The following MYO16 variants were observed in gnomAD, a reference collection of about 807,000 sequenced individuals.
MYO16 encodes unconventional myosin-XVI.
A neutral mutation model predicts 205.3 loss-of-function variants in MYO16; 94 were observed. The observed-to-expected ratio is 0.46, with a 90% CI of 0.39 to 0.54. The LOEUF (loss-of-function observed/expected upper bound fraction) is 0.54. Ranked by LOEUF, MYO16 falls within the 20% of genes least tolerant of loss-of-function variation. The pLI is 0.00. For synonymous variants in MYO16, 988 were observed against 954.0 expected, an observed-to-expected ratio of 1.04 and a Z score of -0.66; for missense variants, 2,315 against 2,387.5, an observed-to-expected ratio of 0.97 and a Z score of 0.63.
intron 9 of MYO16, among the ~76,000 whole-genome samples, chr13:108,841,421 G>A (rs1338071504): frequency 6.6e-6 from 1 of 152,136 alleles, no homozygotes; most frequent in East Asian, 1.9e-4. Flanking sequence ...ACTCACAATG[G>A]ATCGTAGGTC....
the MYO16 span, among the ~76,000 whole-genome samples, chr13:108,590,340 A>C: frequency 6.6e-6 from 1 of 152,178 alleles, no homozygotes; most frequent in Non-Finnish European, 1.5e-5. Flanking sequence ...GTTTAACCCT[A>C]GAATCGGGTT....
At chr13:109,102,984 G>A (rs1889018098) in intron 28 of MYO16, among the ~76,000 whole-genome samples, 1 of 152,156 alleles carries the variant, frequency 6.6e-6, no homozygotes, top group Non-Finnish European at 1.5e-5. Context: ...TTGCTTATGA[G>A]TTCCCTGTTG....
At chr13:109,166,248 T>G (rs1878655393) in intron 33 of MYO16, among the ~76,000 whole-genome samples, 1 of 152,034 alleles carries the variant, frequency 6.6e-6, no homozygotes, top group Non-Finnish European at 1.5e-5. Flanking sequence ...TCAGCAGAAA[T>G]AGGAAACTAT....
Position 108,940,827 on chromosome 13 carries a change from A to G in MYO16, c.1926-16861A>G, listed in dbSNP as rs377323381. On this transcript the variant is annotated intron_variant, in intron 16 of 34. Transcript: ENST00000457511. ...GCAGAATTGTATATACTATACTGCA[A>G]ATACAATTATATTTGTGCCAGTTAA... Among the ~76,000 whole-genome samples the G allele has an allele frequency of 3.3e-5, 5 of 152,328 alleles. No individual in the cohort carries two copies. The South Asian group carries it at 1.0e-3, about 32-fold the overall frequency.
chr13:108,581,993 T>C, the MYO16 span, among the ~76,000 whole-genome samples: 1 of 152,202 alleles, frequency 6.6e-6, no homozygotes, highest in Admixed American at 6.5e-5. Context: ...GTGTGTTTAT[T>C]GAGCTAATGT....
rs1385882256 is a variant in MYO16, at chr13:109,055,528, C to T, written c.3268C>T (p.Leu1090=). The part of the protein sequence containing the change: ...VSAQLQYIGV[L]EMVKIFRYGY... ...TGCTCAGCTACAATATATTGGGGTCCTGGAGATGGTGAAGATCTTCCGATA... is the reference window on the plus strand; with the variant it reads ...TGCTCAGCTACAATATATTGGGGTCTTGGAGATGGTGAAGATCTTCCGATA... The change falls in exon 27 of 35, where the codon CTG becomes TTG. Residue 1090 remains leucine, a synonymous_variant. Transcript: ENST00000457511. This position sits in a 1 kb window ranked among gnomAD's most constrained non-coding sequence, Gnocchi z 5.0. 1.2e-6 allele frequency: 2 copies of T among 1,613,114 alleles called. No homozygotes were observed. Among genetic ancestry groups the T allele is most frequent in the South Asian group, 1.1e-5 (1 of 91,076 alleles).
At chr13:108,588,931 T>C in the MYO16 span, among the ~76,000 whole-genome samples, 29 of 152,288 alleles carry the variant, frequency 1.9e-4, no homozygotes, top group East Asian at 5.4e-3. Flanking sequence ...AGCCTGTTTT[T>C]ACTCTTGATA....
intron 33 of MYO16, among the ~76,000 whole-genome samples, chr13:109,171,862 A>C (rs1878935565): frequency 6.6e-6 from 1 of 152,194 alleles, no homozygotes; most frequent in South Asian, 2.1e-4. Flanking sequence ...TTGCGTTTGC[A>C]TTTACATTTA....
chr13:108,752,798 T>C (rs1469905688), intron 4 of MYO16, among the ~76,000 whole-genome samples: 8 of 122,362 alleles, frequency 6.5e-5, no homozygotes, highest in Non-Finnish European at 1.3e-4. Context: ...CCTGCCACCG[T>C]GCCCAGCTAA....
intron 14 of MYO16, among the ~76,000 whole-genome samples, chr13:108,888,873 T>G (rs1013102774): frequency 3.3e-5 from 5 of 151,890 alleles, no homozygotes; most frequent in African/African-American, 1.2e-4. Flanking sequence ...TGGCCAACAT[T>G]GTGAAACCTC....
At chr13:108,509,467 T>C in the MYO16 span, among the ~76,000 whole-genome samples, 13 of 152,238 alleles carry the variant, frequency 8.5e-5, no homozygotes, top group African/African-American at 1.4e-4. Context: ...TGTCGGATTG[T>C]GTATACATGT....
intron 2 of MYO16, among the ~76,000 whole-genome samples, chr13:108,676,353 A>C (rs1882202641): frequency 7.1e-6 from 1 of 141,772 alleles, no homozygotes; most frequent in East Asian, 2.1e-4. Flanking sequence ...TTTTCTGCTA[A>C]TGTGTGATTA....
chr13:109,041,019 A>G (rs1163360528), intron 23 of MYO16, among the ~76,000 whole-genome samples: 1 of 152,222 alleles, frequency 6.6e-6, no homozygotes, highest in African/African-American at 2.4e-5. Flanking sequence ...TAGCAAGGTC[A>G]CAAGACACAA....
At chr13:108,719,595 G>A (rs1215396496) in intron 3 of MYO16, among the ~76,000 whole-genome samples, 1 of 152,094 alleles carries the variant, frequency 6.6e-6, no homozygotes, top group Non-Finnish European at 1.5e-5. Context: ...AGCACTGGGG[G>A]CATAGTAGTT....
At chr13:109,182,506 C>G (rs1175981942) in intron 34 of MYO16, among the ~76,000 whole-genome samples, 1 of 152,192 alleles carries the variant, frequency 6.6e-6, no homozygotes, top group Admixed American at 6.5e-5. Flanking sequence ...CTCGCCAGAC[C>G]TTTTTGTCGA....
the MYO16 span, among the ~76,000 whole-genome samples, chr13:108,535,427 G>A: frequency 1.3e-5 from 2 of 152,132 alleles, no homozygotes; most frequent in Non-Finnish European, 2.9e-5. Flanking sequence ...CTTCTATCTG[G>A]TGGCTTCCCA....
At chr13:108,888,063 C>T (rs940939435) in intron 13 of MYO16, among the ~76,000 whole-genome samples, 1 of 152,052 alleles carries the variant, frequency 6.6e-6, no homozygotes, top group African/African-American at 2.4e-5. Context: ...GTGGTTCTAC[C>T]CTGTGAGATA....
At chr13:108,584,308 G>A in the MYO16 span, among the ~76,000 whole-genome samples, 1 of 152,010 alleles carries the variant, frequency 6.6e-6, no homozygotes, top group African/African-American at 2.4e-5. Context: ...TATTTGCATT[G>A]TCTATGATTT....
intron 3 of MYO16, among the ~76,000 whole-genome samples, chr13:108,714,808 C>G (rs964309426): frequency 1.3e-5 from 2 of 152,084 alleles, no homozygotes; most frequent in Non-Finnish European, 2.9e-5. Context: ...ACATATATCA[C>G]TATGCTCCCA....
Sources: allele counts gnomAD v4.1 joint callset (sites outside exome capture counted in the v4.1 genomes callset), GRCh38; gene constraint gnomAD v4.1.1; non-coding constraint Gnocchi (gnomAD v3.1); transcripts MANE v1.5; gene names NCBI Gene and HGNC (gene_info 2026-07-23, HGNC 2026-07-21).